The following CYP4F8 variants were observed in gnomAD, a reference collection of about 807,000 sequenced individuals.
CYP4F8 encodes the protein cytochrome P450 4F8.
In CYP4F8, 56 loss-of-function variants were observed where a neutral mutation model predicts 55.0. The ratio of observed to expected loss-of-function variants is 1.02; its 90% CI spans 0.82 to 1.27. The LOEUF is 1.27. Among genes scored for constraint, CYP4F8 ranks in the 50% most tolerant of loss-of-function variants. The pLI is 0.00. For synonymous variants in CYP4F8, 288 were observed against 267.3 expected, an observed-to-expected ratio of 1.08 and a Z score of -0.76; for missense variants, 680 against 682.4, an observed-to-expected ratio of 1.00 and a Z score of 0.04.
intron 9 of CYP4F8, 181 bp from the exon 10 acceptor site, chr19:15,628,121 C>A: frequency 1.2e-6 from 1 of 861,440 alleles, no homozygotes; most frequent in Non-Finnish European, 1.7e-6. Flanking sequence ...CCTCTAAAAA[C>A]ACCAGGTCAA....
At chr19:15,623,921 G>T in intron 8 of CYP4F8, 44 bp from the exon 9 acceptor site, 1 of 1,608,556 alleles carries the variant, frequency 6.2e-7, no homozygotes, top group Non-Finnish European at 8.5e-7. Flanking sequence ...CCCTCTGGGT[G>T]CTGAAGCAGC....
At chr19:15,626,732 G>A (rs1972268297) in intron 9 of CYP4F8, among the ~76,000 whole-genome samples, 1 of 152,028 alleles carries the variant, frequency 6.6e-6, no homozygotes, top group African/African-American at 2.4e-5. Flanking sequence ...TCCTTAATTT[G>A]CATGCGTATT....
chr19:15,615,442 T>G, intron 1 of CYP4F8, 162 bp downstream of exon 1: 1 of 696,068 alleles, frequency 1.4e-6, no homozygotes, highest in Non-Finnish European at 2.2e-6. Context: ...TCTAGTTTCC[T>G]TGATCTCTAA....
At chr19:15,628,241 T>A in intron 9 of CYP4F8, 61 bp from the exon 10 acceptor site, 1 of 1,608,982 alleles carries the variant, frequency 6.2e-7, no homozygotes, top group Non-Finnish European at 8.5e-7. Flanking sequence ...GGTGAGAGGG[T>A]CTCCAGGGGC....
chr19:15,618,009 A>G lies in CYP4F8; in HGVS notation c.208A>G (p.Thr70Ala). 6.2e-7 allele frequency: 1 copy of G among 1,613,870 alleles called. No individual in the cohort carries two copies. Among genetic ancestry groups the G allele is most frequent in the Non-Finnish European group, 8.5e-7 (1 of 1,179,844 alleles). ...CTTGCCTTGCTTGCAGGTCACTCCC[A>G]CAGAGGAGGGCTTGAGGGTCCTGAC... is the stretch of plus-strand genomic sequence containing the variant. The part of the protein sequence containing the change: ...FLGHLGLVTP[T>A]EEGLRVLTQL... Residue 70 changes from threonine (T) to alanine (A), a missense_variant, in exon 3 of 13, where the codon ACA becomes GCA. Physicochemically the swap from Thr to Ala is moderately conservative, Grantham distance 58 (BLOSUM62 0). Coordinates refer to ENST00000612078, the MANE Select transcript of CYP4F8 (RefSeq NM_007253.4).
Position 15,629,527 on chromosome 19 carries a change from G to T in CYP4F8, c.*169G>T, listed in dbSNP as rs559755375. ...ATCTAGGGCCTGGCTGGGAAGAGGC[G>T]GGGAGATGTCTCTGTGCCCAAGATA... On this transcript the variant is annotated 3_prime_UTR_variant, in exon 13 of 13. Coordinates refer to ENST00000612078, the MANE Select transcript of CYP4F8 (RefSeq NM_007253.4). 4.1e-6 allele frequency: 4 copies of T among 965,052 alleles called. No homozygotes were observed. The highest frequency in any genetic ancestry group is 5.8e-6 in the Non-Finnish European group (4 of 684,938). The allele number at this position is 965,052 out of a possible 1,614,324, so 59.8% of individuals were successfully genotyped here. A position where few individuals can be genotyped will look rare whatever the true frequency, so the allele number is the denominator to read the frequency against.
intron 2 of CYP4F8, among the ~76,000 whole-genome samples, chr19:15,616,720 A>G (rs1213618998): frequency 1.3e-5 from 2 of 152,162 alleles, no homozygotes; most frequent in East Asian, 1.9e-4. Flanking sequence ...AGCTGTCCCA[A>G]TGAGTTGTGT....
chr19:15,616,390 T>C (rs192948017), intron 2 of CYP4F8, among the ~76,000 whole-genome samples: 1 of 152,318 alleles, frequency 6.6e-6, no homozygotes, highest in African/African-American at 2.4e-5. Context: ...CTAGACTGTT[T>C]TGAATTCTTT....
intron 7 of CYP4F8, 135 bp downstream of exon 7, chr19:15,623,510 A>T: frequency 7.1e-7 from 1 of 1,399,012 alleles, no homozygotes; most frequent in Non-Finnish European, 9.6e-7. Context: ...GACAAGTCAG[A>T]TAAATTTTAG....
chr19:15,628,307 A>G lies in CYP4F8; in HGVS notation c.1121A>G (p.Asp374Gly), dbSNP rs779143500. The G allele has an allele frequency of 1.2e-6, 2 of 1,613,908 alleles. No individual in the cohort carries two copies. Among genetic ancestry groups the G allele is most frequent in the Non-Finnish European group, 1.7e-6 (2 of 1,179,998 alleles). Residue 374 changes from aspartate (D) to glycine (G), a missense_variant, in exon 10 of 13, where the codon GAC (aspartate) becomes GGC (glycine). Asp to Gly is a moderately conservative substitution (Grantham distance 94). Coordinates refer to ENST00000612078, the MANE Select transcript of CYP4F8 (RefSeq NM_007253.4). Reference sequence around the variant, plus strand: ...ATTGTTGGGTGTTTCCTTAGGGACGACCTGGCCCAGTTGCCCTTCCTGACC... The same window carrying G: ...ATTGTTGGGTGTTTCCTTAGGGACGGCCTGGCCCAGTTGCCCTTCCTGACC... ...DREPKEIEWD[D>G]LAQLPFLTMC...
At chr19:15,628,178 C>T (rs1972285551) in intron 9 of CYP4F8, 124 bp from the exon 10 acceptor site, 2 of 1,442,694 alleles carry the variant, frequency 1.4e-6, no homozygotes, top group African/African-American at 1.4e-5. Context: ...ATGCTTACAT[C>T]TTTGTTGCTT....
chr19:15,623,814 C>G, intron 8 of CYP4F8, 49 bp downstream of exon 8: 1 of 1,603,640 alleles, frequency 6.2e-7, no homozygotes, highest in South Asian at 1.1e-5. Flanking sequence ...TCTCTCCACT[C>G]CAGGGAAGTG....
chr19:15,620,065 T>A (rs1972174505), intron 5 of CYP4F8, among the ~76,000 whole-genome samples: 1 of 152,250 alleles, frequency 6.6e-6, no homozygotes, highest in African/African-American at 2.4e-5. Context: ...TGAGTACAGA[T>A]CACTTCAAAA....
intron 9 of CYP4F8, chr19:15,627,500 C>T (rs1295744): frequency 1 from 151,439 of 151,440 alleles, 75,719 homozygotes; most frequent in Non-Finnish European, 1. Flanking sequence ...TTGACCTAGC[C>T]CTTGATGAAC....
intron 2 of CYP4F8, 44 bp downstream of exon 2, chr19:15,615,858 T>A (rs1392671314): frequency 1.3e-6 from 2 of 1,539,300 alleles, no homozygotes; most frequent in Non-Finnish European, 1.8e-6. Flanking sequence ...GGTGGAAGGG[T>A]GGAAATGGGG....
At position 15,623,299 on chromosome 19, in the gene CYP4F8, A is replaced by G; in HGVS notation, c.842A>G (p.Gln281Arg). The G allele has an allele frequency of 6.2e-7, 1 of 1,613,922 alleles. No individual in the cohort carries two copies. Among genetic ancestry groups the G allele is most frequent in the Non-Finnish European group, 8.5e-7 (1 of 1,179,976 alleles). ...IQERRRTLTS[Q>R]GVDDFLQAKA... ...GAGCGGCGCCGCACCCTCACTAGCC[A>G]GGGTGTTGATGACTTCCTCCAAGCC... Residue 281 changes from glutamine (Q) to arginine (R), a missense_variant, in exon 7 of 13, where the codon CAG (glutamine) becomes CGG (arginine). Gln to Arg is a conservative substitution (Grantham distance 43). Transcript: ENST00000612078.
chr19:15,620,875 T>C (rs1972184863), intron 5 of CYP4F8, among the ~76,000 whole-genome samples: 1 of 152,230 alleles, frequency 6.6e-6, no homozygotes, highest in Non-Finnish European at 1.5e-5. Flanking sequence ...AAGCGTTTTG[T>C]GAAACGACTA....
chr19:15,619,835 G>A lies in CYP4F8; in HGVS notation c.525+73G>A, dbSNP rs1972171756. The A allele has an allele frequency of 1.9e-6, 3 of 1,563,988 alleles. No homozygotes were observed. In the South Asian group the frequency reaches 3.6e-5, roughly 19 times the overall value. On this transcript the variant is annotated intron_variant, in intron 5 of 12. Coordinates refer to ENST00000612078, the MANE Select transcript of CYP4F8 (RefSeq NM_007253.4). ...GATCACATACAATTGGGTCTGGAAT[G>A]TTGGCTCTCCTGGGTGGGTTTGGGG...
intron 8 of CYP4F8, 99 bp from the exon 9 acceptor site, chr19:15,623,866 C>A: frequency 6.3e-7 from 1 of 1,594,652 alleles, no homozygotes; most frequent in Non-Finnish European, 8.6e-7. Flanking sequence ...CAACCTCCCC[C>A]TCCCCTCAAC....
Sources: allele counts gnomAD v4.1 joint callset (sites outside exome capture counted in the v4.1 genomes callset), GRCh38; gene constraint gnomAD v4.1.1; transcripts MANE v1.5; gene names NCBI Gene and HGNC (gene_info 2026-07-23, HGNC 2026-07-21).